The following UNC79 variants were observed in gnomAD, a reference collection of about 807,000 sequenced individuals.
The protein encoded by UNC79 is protein unc-79 homolog.
A neutral mutation model predicts 283.1 loss-of-function variants in UNC79; 37 were observed. That is an observed-to-expected ratio of 0.13 (90% CI 0.10 to 0.17). UNC79 has a LOEUF of 0.17. Ranked by LOEUF, UNC79 falls within the 10% of genes least tolerant of loss-of-function variation. The pLI, the probability that UNC79 is intolerant of heterozygous loss-of-function variation, is 1.00. For synonymous variants in UNC79, 1,107 were observed against 1,200.2 expected (o/e 0.92, Z 1.61); for missense variants, 2,272 against 3,211.1 (o/e 0.71, Z 7.07).
At chr14:93,641,145 G>A (rs772441603) in exon 33 of UNC79, 5 of 1,612,538 alleles carry the variant, frequency 3.1e-6, no homozygotes, top group African/African-American at 1.3e-5. Context: ...GCTTACCCAG[G>A]TGCCACCAAA....
At chr14:93,428,297 T>C (rs2055774996), upstream of UNC79, among the ~76,000 whole-genome samples, 1 of 152,112 alleles carries the variant, frequency 6.6e-6, no homozygotes, top group Non-Finnish European at 1.5e-5. Flanking sequence ...CTTAAAATGC[T>C]GGGAAAAAGA....
intron 42 of UNC79, among the ~76,000 whole-genome samples, chr14:93,685,865 G>A (rs1458776434): frequency 1.3e-5 from 2 of 152,144 alleles, no homozygotes; most frequent in South Asian, 2.1e-4. Context: ...GTCATTTAAC[G>A]ACCTAAAACA....
At chr14:93,534,703 C>G (rs544757514) in intron 11 of UNC79, among the ~76,000 whole-genome samples, 55 of 152,274 alleles carry the variant, frequency 3.6e-4, no homozygotes, top group African/African-American at 1.3e-3. Context: ...CGTTTCTAAG[C>G]TTGTGGGACC....
chr14:93,632,619 A>G (rs1172713172), intron 31 of UNC79, among the ~76,000 whole-genome samples: 2 of 151,992 alleles, frequency 1.3e-5, no homozygotes, highest in Non-Finnish European at 2.9e-5. Context: ...GGATCGCTCA[A>G]GCATGGGAGA....
At position 93,616,492 on chromosome 14, in the gene UNC79, C is replaced by T. The variant is rs139547561; in HGVS notation, c.4042-630C>T. Among the ~76,000 whole-genome samples, 761 of 151,806 alleles carry T rather than the reference C, an allele frequency of 5.0e-3. 6 individuals carry two copies. Among genetic ancestry groups the T allele is most frequent in the African/African-American group, 0.017 (723 of 41,406 alleles). ...CAGAGGATCCTCCCAGCTCAGCCTC[C>T]CGAGTAGCTAGGACTATAGGTGTGT... is the stretch of plus-strand genomic sequence containing the variant. On this transcript the variant is annotated intron_variant, in intron 27 of 48. Transcript: ENST00000555664.
chr14:93,395,678 T>C (rs1401547798), intron 1 of UNC79, among the ~76,000 whole-genome samples: 1 of 152,192 alleles, frequency 6.6e-6, no homozygotes, highest in African/African-American at 2.4e-5. Context: ...TTAGTGTTTT[T>C]TTTGTTTGTT....
chr14:93,344,086 C>A (rs889632146), intron 1 of UNC79, among the ~76,000 whole-genome samples: 2 of 152,040 alleles, frequency 1.3e-5, no homozygotes, highest in Non-Finnish European at 2.9e-5. Flanking sequence ...TCACCACTGT[C>A]GAAAGTGTTT....
At chr14:93,360,140 T>C (rs1198464252) in intron 1 of UNC79, among the ~76,000 whole-genome samples, 1 of 152,160 alleles carries the variant, frequency 6.6e-6, no homozygotes, top group African/African-American at 2.4e-5. Context: ...AGTGCTAGAA[T>C]GCATAATTGG....
At chr14:93,504,054 T>C (rs2059422543) in intron 7 of UNC79, among the ~76,000 whole-genome samples, 1 of 152,012 alleles carries the variant, frequency 6.6e-6, no homozygotes, top group Non-Finnish European at 1.5e-5. Context: ...ACCATTTTTG[T>C]CATAAATCAA....
chr14:93,475,703 G>T (rs2057761429), intron 3 of UNC79, among the ~76,000 whole-genome samples: 1 of 152,146 alleles, frequency 6.6e-6, no homozygotes, highest in Non-Finnish European at 1.5e-5. Flanking sequence ...ACTCACCTGG[G>T]ACTTGCCTGG....
At chr14:93,386,423 A>G (rs1055196402) in intron 1 of UNC79, among the ~76,000 whole-genome samples, 18 of 152,138 alleles carry the variant, frequency 1.2e-4, no homozygotes, top group Middle Eastern at 3.4e-3. Flanking sequence ...ATACTGGCCT[A>G]TTGTTTTCTA....
At chr14:93,419,132 A>T (rs2055534208) in intron 1 of UNC79, among the ~76,000 whole-genome samples, 1 of 149,788 alleles carries the variant, frequency 6.7e-6, no homozygotes, top group East Asian at 2.0e-4. Context: ...GGAGCTGTAG[A>T]CCGGAGCTGT....
At chr14:93,698,017 T>C (rs1023855430) in intron 47 of UNC79, among the ~76,000 whole-genome samples, 3 of 152,242 alleles carry the variant, frequency 2.0e-5, no homozygotes, top group African/African-American at 7.2e-5. Flanking sequence ...ACTATATTGT[T>C]TTACTTCCAA....
chr14:93,615,720 CAAAA>C (rs1158073507), intron 27 of UNC79, among the ~76,000 whole-genome samples: 8 of 23,282 alleles, frequency 3.4e-4, no homozygotes, highest in African/African-American at 7.1e-4. Context: ...GACTCCATCT[CAAAA>C]AAAAAAAAAA....
In UNC79 at chr14:93,364,633, G is replaced by A. The variant is rs1454438630; in HGVS notation, c.-351+31110G>A. Among the ~76,000 whole-genome samples the A allele has an allele frequency of 4.2e-5, 3 of 72,014 alleles. No individual in the cohort carries two copies. The East Asian group carries it at 7.9e-4, about 19-fold the overall frequency. The allele number at this position is 72,014 out of a possible 152,430, so 47.2% of individuals were successfully genotyped here. A position where few individuals can be genotyped will look rare whatever the true frequency, so the allele number is the denominator to read the frequency against. On this transcript the variant is annotated intron_variant, in intron 1 of 49. Transcript: ENST00000256339. ...GGGATTGTTAAGGGAACTATACTTAGCTATTTAGCATGTCAAACCCTCTCC... is the reference window on the plus strand; with the variant it reads ...GGGATTGTTAAGGGAACTATACTTAACTATTTAGCATGTCAAACCCTCTCC...
chr14:93,481,034 C>T (rs1342302223), intron 4 of UNC79, among the ~76,000 whole-genome samples: 1 of 152,126 alleles, frequency 6.6e-6, no homozygotes, highest in Non-Finnish European at 1.5e-5. Flanking sequence ...TGAGGTATTG[C>T]AGCTCTTCAG....
At chr14:93,359,418 G>A (rs917401457) in intron 1 of UNC79, among the ~76,000 whole-genome samples, 11 of 152,204 alleles carry the variant, frequency 7.2e-5, no homozygotes, top group African/African-American at 1.4e-4. Context: ...GCTCTTCTCC[G>A]TATGTCAGAT....
chr14:93,568,244 T>G (rs1472005744), intron 14 of UNC79, among the ~76,000 whole-genome samples: 1 of 152,170 alleles, frequency 6.6e-6, no homozygotes, highest in Non-Finnish European at 1.5e-5. Context: ...TGTTTTGTGA[T>G]CAGTGGGAAT....
intron 26 of UNC79, among the ~76,000 whole-genome samples, chr14:93,608,531 T>C (rs2066053273): frequency 6.6e-6 from 1 of 152,206 alleles, no homozygotes; most frequent in African/African-American, 2.4e-5. Context: ...CCAGCCCTGC[T>C]GTGGATATGT....
Sources: gnomAD v4.1 joint callset for allele counts (sites outside exome capture counted in the v4.1 genomes callset) on GRCh38, gnomAD v4.1.1 for gene constraint, MANE v1.5 for transcripts, NCBI Gene and HGNC (gene_info 2026-07-23, HGNC 2026-07-21) for gene names.